The following PCM1 variants were observed in gnomAD, a reference collection of about 807,000 sequenced individuals.
PCM1 encodes pericentriolar material 1.
In PCM1, 157 loss-of-function variants were observed where a neutral mutation model predicts 241.9. The ratio of observed to expected loss-of-function variants is 0.65; its 90% CI spans 0.57 to 0.74. The LOEUF is 0.74. PCM1 is among the 30% of genes least tolerant of loss of function. PCM1 has a pLI of 0.00. For synonymous variants in PCM1, 1,085 were observed against 784.9 expected (o/e 1.38, Z -6.39); for missense variants, 3,478 against 2,360.1 (o/e 1.47, Z -9.81).
chr8:17,966,038 T>C lies in PCM1; in HGVS notation c.2895T>C (p.Tyr965=), dbSNP rs759822394. ...NNCPFSADEN[Y]RPLAKTRQQN... ...GCCCTTTTTCGGCAGATGAAAATTA[T>C]CGTCCTTTAGCCAAGACAAGGCAAC... is the stretch of plus-strand genomic sequence containing the variant. The change falls in exon 19 of 39, where the codon TAT becomes TAC. Residue 965 remains tyrosine (Y), a synonymous_variant. Coordinates refer to ENST00000325083, the MANE Select transcript of PCM1 (RefSeq NM_006197.4). The C allele has an allele frequency of 1.3e-5, 21 of 1,612,362 alleles. No homozygotes were observed. Among genetic ancestry groups the C allele is most frequent in the African/African-American group, 4.0e-5 (3 of 74,898 alleles).
intron 22 of PCM1, among the ~76,000 whole-genome samples, chr8:17,970,645 A>G (rs2076525462): frequency 6.6e-6 from 1 of 152,150 alleles, no homozygotes; most frequent in South Asian, 2.1e-4. Context: ...TTCAGAAATG[A>G]TTGTTGAATG....
intron 29 of PCM1, among the ~76,000 whole-genome samples, chr8:17,996,050 A>G (rs550408448): frequency 3.4e-4 from 52 of 152,218 alleles, no homozygotes; most frequent in African/African-American, 1.2e-3. Context: ...TGATTACTCT[A>G]GCTAGGACTT....
At chr8:17,987,967 T>A (rs542214460) in intron 26 of PCM1, among the ~76,000 whole-genome samples, 1 of 151,928 alleles carries the variant, frequency 6.6e-6, no homozygotes, top group Admixed American at 6.6e-5. Context: ...AGCTTCATTT[T>A]TGGAGCTTTT....
At chr8:18,008,607 C>A (rs1302858678) in intron 30 of PCM1, among the ~76,000 whole-genome samples, 1 of 152,100 alleles carries the variant, frequency 6.6e-6, no homozygotes, top group African/African-American at 2.4e-5. Context: ...AGAAGCTTAA[C>A]AGAGTTTCAG....
At chr8:17,964,858 A>G (rs944297403) in intron 18 of PCM1, 90 bp downstream of exon 18, 6 of 913,590 alleles carry the variant, frequency 6.6e-6, no homozygotes, top group African/African-American at 6.6e-5. Flanking sequence ...CTCCAAGCCA[A>G]CTGAATGTCC....
At position 17,957,545 on chromosome 8, in the gene PCM1, C is replaced by T; in HGVS notation, c.1810C>T (p.Arg604Ter). Reference sequence around the variant, plus strand: ...ATTATACATGTTTTCAGCAGATTGTCGATATAATAGAGAAGGGGAACAGGA... The same window carrying T: ...ATTATACATGTTTTCAGCAGATTGTTGATATAATAGAGAAGGGGAACAGGA... ...ALNMPPSLDC[R>*]YNREGEQEIH... The change falls in exon 13 of 39, where the codon CGA becomes TGA. Residue 604 changes from arginine (R) to a stop codon, truncating the protein, a stop_gained. Coordinates refer to ENST00000325083, the MANE Select transcript of PCM1 (RefSeq NM_006197.4). LOFTEE classifies it high-confidence loss of function. 3 of 1,584,924 alleles carry T rather than the reference C, an allele frequency of 1.9e-6. No individual in the cohort carries two copies. The highest frequency in any genetic ancestry group is 1.7e-6 in the Non-Finnish European group (2 of 1,163,460).
rs200670535 is a variant in PCM1, at chr8:17,957,774, A to G, written c.2039A>G (p.Gln680Arg). 1 of 1,594,714 alleles carries G rather than the reference A, an allele frequency of 6.3e-7. No individual in the cohort carries two copies. Among genetic ancestry groups the G allele is most frequent in the East Asian group, 2.2e-5 (1 of 44,716 alleles). The change falls in exon 13 of 39, where the codon CAG (glutamine) becomes CGG (arginine). Residue 680 changes from glutamine (Q) to arginine (R), a missense_variant and splice_region_variant. Physicochemically the swap from Gln to Arg is conservative, Grantham distance 43 (BLOSUM62 1). Transcript: ENST00000325083. ...RQLQDLVAMV[Q>R]DDDAAQGVIS... ...TTACAAGATCTTGTTGCTATGGTAC[A>G]GGTAAATATTGCTTGGTCTTTTAAA... is the stretch of plus-strand genomic sequence containing the variant.
chr8:17,991,605 CTG>C lies in PCM1; in HGVS notation c.4596_4597del (p.Glu1533GlyfsTer2). 1 of 1,592,480 alleles carries C rather than the reference CTG, an allele frequency of 6.3e-7. No individual in the cohort carries two copies. Among genetic ancestry groups the C allele is most frequent in the Non-Finnish European group, 8.6e-7 (1 of 1,168,532 alleles). The stretch of plus-strand genomic sequence containing the variant: ...ATGAGAGAATATGAGCGTATGAAGA[CTG>C]AGGCTGAAAGTAACTCAAATATGAG... On this transcript the variant is annotated frameshift_variant, in exon 28 of 39. Transcript: ENST00000325083. LOFTEE classifies it high-confidence loss of function.
intron 29 of PCM1, among the ~76,000 whole-genome samples, chr8:17,998,315 C>G (rs753020816): frequency 6.6e-6 from 1 of 152,132 alleles, no homozygotes; most frequent in Non-Finnish European, 1.5e-5. Flanking sequence ...GCCTCACAGT[C>G]TGGGCTTGTT....
At chr8:17,956,184 T>C (rs1219672539) in intron 10 of PCM1, among the ~76,000 whole-genome samples, 1 of 152,228 alleles carries the variant, frequency 6.6e-6, no homozygotes, top group African/African-American at 2.4e-5. Context: ...AGATCTCATA[T>C]GTGCAGACAA....
intron 21 of PCM1, among the ~76,000 whole-genome samples, chr8:17,968,429 G>C (rs1055946589): frequency 1.3e-5 from 2 of 152,154 alleles, no homozygotes; most frequent in Non-Finnish European, 2.9e-5. Flanking sequence ...TGAACAGAAG[G>C]CTGTCATAAT....
In PCM1 at chr8:18,014,046, C is replaced by G. The variant is rs949981825; in HGVS notation, c.5584+10C>G. The G allele has an allele frequency of 1.4e-6, 2 of 1,436,052 alleles. No homozygotes were observed. The highest frequency in any genetic ancestry group is 1.9e-6 in the Non-Finnish European group (2 of 1,042,096). The allele number at this position is 1,436,052 out of a possible 1,614,324, so 89.0% of individuals were successfully genotyped here. ...GAAGCCACTAGTAAAAGTAAGAAAT[C>G]TAAATAAGTCTTTGATTTTAAGATA... On this transcript the variant is annotated intron_variant, in intron 35 of 38. Coordinates refer to ENST00000325083, the MANE Select transcript of PCM1 (RefSeq NM_006197.4).
Position 18,011,758 on chromosome 8 carries a change from C to G in PCM1, c.5442C>G (p.Gly1814=). Reference sequence around the variant, plus strand: ...AAGAAATGGAAGAATTTGAAGAAGGCCCTGTGGATGTCCAGACTTCCCTCC... The same window carrying G: ...AAGAAATGGAAGAATTTGAAGAAGGGCCTGTGGATGTCCAGACTTCCCTCC... ...EDEEMEEFEE[G]PVDVQTSLQA... Residue 1814 remains glycine (G), a synonymous_variant, in exon 34 of 39, where the codon GGC becomes GGG. Transcript: ENST00000325083. 1.2e-6 allele frequency: 2 copies of G among 1,613,458 alleles called. No individual in the cohort carries two copies. The highest frequency in any genetic ancestry group is 1.7e-6 in the Non-Finnish European group (2 of 1,179,654).
At chr8:17,948,590 A>G (rs1236371535) in intron 7 of PCM1, among the ~76,000 whole-genome samples, 2 of 152,094 alleles carry the variant, frequency 1.3e-5, no homozygotes, top group African/African-American at 4.8e-5. Context: ...GGCGTCAGCC[A>G]CCGTGCCTGG....
intron 29 of PCM1, among the ~76,000 whole-genome samples, chr8:18,001,923 T>C (rs1469017381): frequency 6.8e-6 from 1 of 147,882 alleles, no homozygotes; most frequent in Admixed American, 6.8e-5. Flanking sequence ...CAGAAACACG[T>C]AGCCTTGTTC....
intron 6 of PCM1, among the ~76,000 whole-genome samples, chr8:17,945,374 C>G (rs2299595): frequency 0.24 from 36,524 of 151,884 alleles, 5,470 homozygotes; most frequent in African/African-American, 0.43. Flanking sequence ...ACAGAAAAAC[C>G]TCTAATAAAT....
chr8:17,940,975 A>G (rs2061841241), intron 6 of PCM1, among the ~76,000 whole-genome samples: 1 of 152,142 alleles, frequency 6.6e-6, no homozygotes, highest in South Asian at 2.1e-4. Flanking sequence ...AGCATTAGGA[A>G]TTTGAAGGTT....
chr8:17,952,692 A>T (rs2066536983), intron 8 of PCM1, among the ~76,000 whole-genome samples: 4 of 151,570 alleles, frequency 2.6e-5, no homozygotes, highest in Non-Finnish European at 5.9e-5. Context: ...ATACTACACC[A>T]TTTTATATAA....
chr8:17,939,065 G>T (rs1045221405), intron 5 of PCM1, 56 bp downstream of exon 5: 2 of 1,569,362 alleles, frequency 1.3e-6, no homozygotes, highest in Non-Finnish European at 1.7e-6. Flanking sequence ...AATACCAACA[G>T]TAAGGTTTAG....
Sources: gnomAD v4.1 joint callset for allele counts (sites outside exome capture counted in the v4.1 genomes callset) on GRCh38, gnomAD v4.1.1 for gene constraint, MANE v1.5 for transcripts, NCBI Gene and HGNC (gene_info 2026-07-23, HGNC 2026-07-21) for gene names.